The following CAMK1D variants were observed in gnomAD, a reference collection of about 807,000 sequenced individuals.
CAMK1D encodes calcium/calmodulin-dependent protein kinase type 1D.
Under a neutral mutation model 47.7 loss-of-function variants are expected in CAMK1D, and 9 were observed. That is an observed-to-expected ratio of 0.19 (90% CI 0.11 to 0.33). The LOEUF is 0.33. CAMK1D is among the 10% of genes least tolerant of loss of function. CAMK1D has a pLI of 1.00. For missense variants in CAMK1D, 291 were observed against 488.7 expected, an observed-to-expected ratio of 0.60 and a Z score of 3.81; for synonymous variants, 184 against 184.9, an observed-to-expected ratio of 0.99 and a Z score of 0.04.
intron 1 of CAMK1D, among the ~76,000 whole-genome samples, chr10:12,421,960 G>T (rs895273558): frequency 6.6e-6 from 1 of 152,110 alleles, no homozygotes; most frequent in Admixed American, 6.5e-5. Context: ...GGGATTACAG[G>T]TGCCCACCAC....
intron 3 of CAMK1D, among the ~76,000 whole-genome samples, chr10:12,704,402 C>T (rs1021882619): frequency 6.6e-6 from 1 of 152,012 alleles, no homozygotes; most frequent in Non-Finnish European, 1.5e-5. Context: ...TGGCTAGGGA[C>T]CAGTATAAAT....
intron 2 of CAMK1D, among the ~76,000 whole-genome samples, chr10:12,658,922 A>T (rs1840194775): frequency 6.6e-6 from 1 of 152,160 alleles, no homozygotes; most frequent in Admixed American, 6.5e-5. Context: ...AGGATACAGA[A>T]AGCCCTCTGT....
chr10:12,364,283 C>G (rs1457582543), intron 1 of CAMK1D, among the ~76,000 whole-genome samples: 1 of 148,428 alleles, frequency 6.7e-6, no homozygotes, highest in Non-Finnish European at 1.5e-5. Flanking sequence ...CCTCTGTTGC[C>G]CAGGCTGGAG....
chr10:12,489,595 A>C (rs566349349), intron 1 of CAMK1D, among the ~76,000 whole-genome samples: 1 of 152,170 alleles, frequency 6.6e-6, no homozygotes, highest in African/African-American at 2.4e-5. Context: ...ATACAGATGG[A>C]GCTTCGCTCG....
intron 2 of CAMK1D, among the ~76,000 whole-genome samples, chr10:12,567,674 A>G (rs1837166021): frequency 6.6e-6 from 1 of 152,190 alleles, no homozygotes; most frequent in Non-Finnish European, 1.5e-5. Context: ...AAATGGTTTG[A>G]ATTGCATATC....
At chr10:12,474,199 CT>C (rs35554522) in intron 1 of CAMK1D, among the ~76,000 whole-genome samples, 7,244 of 119,216 alleles carry the variant, frequency 0.061, 176 homozygotes, top group Non-Finnish European at 0.076. Flanking sequence ...GAGGATCGTT[CT>C]TTTTTTTTTT....
chr10:12,754,564 G>A (rs186946237), intron 3 of CAMK1D, among the ~76,000 whole-genome samples: 1 of 152,166 alleles, frequency 6.6e-6, no homozygotes, highest in Non-Finnish European at 1.5e-5. Flanking sequence ...TATGTTGCCC[G>A]GTGTATTTGT....
At chr10:12,751,088 TAA>T (rs1835940927) in intron 3 of CAMK1D, among the ~76,000 whole-genome samples, 2 of 95,534 alleles carry the variant, frequency 2.1e-5, no homozygotes, top group African/African-American at 9.4e-5. Context: ...TAAGATAAGA[TAA>T]GATAAGATAA....
intron 1 of CAMK1D, among the ~76,000 whole-genome samples, chr10:12,515,051 C>T (rs927652995): frequency 4.6e-5 from 7 of 151,400 alleles, no homozygotes; most frequent in South Asian, 2.1e-4. Context: ...TTAGTAGAGA[C>T]GGGGTTTCGC....
chr10:12,554,180 C>A lies in CAMK1D; in HGVS notation c.224+824C>A, dbSNP rs1397561328. On this transcript the variant is annotated intron_variant, in intron 2 of 10. Coordinates refer to ENST00000619168, the MANE Select transcript of CAMK1D (RefSeq NM_153498.4). ...CCTCTCCTCTCCTTTCCTTTCCTGA[C>A]AGAATCTCGCTCTGTTGCCCAGGCT... 2.1e-4 allele frequency among the ~76,000 whole-genome samples: 31 copies of A among 150,924 alleles called. 1 individual carries two copies. In the Admixed American group the frequency reaches 2.1e-3, roughly 10 times the overall value.
At chr10:12,803,798 A>G (rs188469138) in intron 6 of CAMK1D, among the ~76,000 whole-genome samples, 1 of 152,304 alleles carries the variant, frequency 6.6e-6, no homozygotes, top group Admixed American at 6.5e-5. Flanking sequence ...TGTCTCTTAA[A>G]CAAGGGGTTG....
At chr10:12,412,603 A>G (rs1405164876) in intron 1 of CAMK1D, among the ~76,000 whole-genome samples, 8 of 149,414 alleles carry the variant, frequency 5.4e-5, no homozygotes, top group Non-Finnish European at 1.0e-4. Flanking sequence ...AGCCTGGGCA[A>G]CAAGAGTGAG....
intron 2 of CAMK1D, among the ~76,000 whole-genome samples, chr10:12,600,276 A>G (rs1002032871): frequency 2.0e-5 from 3 of 152,210 alleles, no homozygotes; most frequent in African/African-American, 7.2e-5. Flanking sequence ...CCCTGTTTCT[A>G]GTTCAGCATT....
At chr10:12,432,816 G>A (rs1832526209) in intron 1 of CAMK1D, among the ~76,000 whole-genome samples, 1 of 152,204 alleles carries the variant, frequency 6.6e-6, no homozygotes, top group African/African-American at 2.4e-5. Flanking sequence ...CCCTCATTGG[G>A]CTGGTCTGTG....
At position 12,690,334 on chromosome 10, in the gene CAMK1D, A is replaced by C. The variant is rs564369351; in HGVS notation, c.299+23524A>C. On this transcript the variant is annotated intron_variant, in intron 3 of 10. Transcript: ENST00000619168. ...CCATGAGATTTGTGGAGGAAGAGTC[A>C]TTTTCTATAAGAAACAATCTGTAGA... Among the ~76,000 whole-genome samples the C allele has an allele frequency of 3.3e-5, 5 of 152,298 alleles. No individual in the cohort carries two copies. The South Asian group carries it at 1.0e-3, about 32-fold the overall frequency.
intron 1 of CAMK1D, among the ~76,000 whole-genome samples, chr10:12,530,370 C>A (rs565378714): frequency 3.3e-5 from 5 of 152,188 alleles, no homozygotes; most frequent in African/African-American, 1.2e-4. Flanking sequence ...GGGTCTTAGG[C>A]AAGCCATTCT....
At chr10:12,479,850 A>G (rs1204910756) in intron 1 of CAMK1D, among the ~76,000 whole-genome samples, 2 of 152,194 alleles carry the variant, frequency 1.3e-5, no homozygotes, top group South Asian at 2.1e-4. Flanking sequence ...AACTTAAAGC[A>G]ACAATAAAAT....
At chr10:12,476,265 C>T (rs572027796) in intron 1 of CAMK1D, among the ~76,000 whole-genome samples, 34 of 151,976 alleles carry the variant, frequency 2.2e-4, no homozygotes, top group African/African-American at 8.0e-4. Context: ...GCACTCTAGC[C>T]TGGGCAACAG....
chr10:12,592,687 T>A (rs759635849), intron 2 of CAMK1D, among the ~76,000 whole-genome samples: 12 of 152,252 alleles, frequency 7.9e-5, no homozygotes, highest in Admixed American at 2.0e-4. Context: ...TTAATGTATC[T>A]GAAGTGCTCC....
Sources: gnomAD v4.1 joint callset for allele counts (sites outside exome capture counted in the v4.1 genomes callset) on GRCh38, gnomAD v4.1.1 for gene constraint, MANE v1.5 for transcripts, NCBI Gene and HGNC (gene_info 2026-07-23, HGNC 2026-07-21) for gene names.